PCDHA4: variants seen among roughly 807,000 people sequenced by gnomAD.
PCDHA4 encodes protocadherin alpha 4.
PCDHA4 carries 49 observed loss-of-function variants against 61.4 expected under a neutral mutation model. The observed-to-expected ratio is 0.80, with a 90% confidence interval of 0.63 to 1.01. The LOEUF (loss-of-function observed/expected upper bound fraction) is 1.01. PCDHA4 is among the 50% of genes least tolerant of loss of function. The pLI is 0.00. For missense variants in PCDHA4, 1,254 were observed against 1,235.8 expected, an observed-to-expected ratio of 1.01 and a Z score of -0.22; for synonymous variants, 590 against 550.3, an observed-to-expected ratio of 1.07 and a Z score of -1.01.
At chr5:140,875,465 T>C (rs1466604223) in intron 1 of PCDHA4, 9 of 1,599,572 alleles carry the variant, frequency 5.6e-6, no homozygotes, top group African/African-American at 1.3e-5. Context: ...AGGCCCTCAT[T>C]TTCTGCAATG....
chr5:140,988,936 T>C (rs2097321406), intron 3 of PCDHA4: 1 of 152,158 alleles, frequency 6.6e-6, no homozygotes, highest in Non-Finnish European at 1.5e-5. Flanking sequence ...ACTGTTCTCT[T>C]AGGCTGCAGT....
chr5:140,930,423 A>G (rs1366004853), intron 1 of PCDHA4: 3 of 151,862 alleles, frequency 2.0e-5, no homozygotes, highest in African/African-American at 7.3e-5. Flanking sequence ...GGGTCTCACT[A>G]TGTTGCCCAG....
intron 1 of PCDHA4, among the ~76,000 whole-genome samples, chr5:140,940,102 T>C (rs1372400488): frequency 2.0e-5 from 3 of 152,228 alleles, no homozygotes; most frequent in African/African-American, 7.2e-5. Context: ...ACTTTTAGCG[T>C]TATGTATTAT....
rs2150367479 is a variant in PCDHA4, at chr5:140,843,905, G to A, written c.2385+34333G>A. 8 of 645,878 alleles carry A rather than the reference G, an allele frequency of 1.2e-5. 1 individual carries two copies. Among genetic ancestry groups the A allele is most frequent in the African/African-American group, 1.8e-5 (1 of 54,098 alleles). 40.0% of individuals were successfully genotyped at this position (645,878 alleles called of 1,614,324 possible). ...ATACAGTATTAATCATTCTCCACAA[G>A]TTGGGTCTATCTTGAAACTCAAGTT... On this transcript the variant is annotated intron_variant, in intron 1 of 3. Coordinates refer to ENST00000530339, the MANE Select transcript of PCDHA4 (RefSeq NM_018907.4).
At chr5:140,836,199 T>C in intron 1 of PCDHA4, 1 of 1,613,834 alleles carries the variant, frequency 6.2e-7, no homozygotes, top group Admixed American at 1.7e-5. Flanking sequence ...CTACAACGCG[T>C]GGCTTTCGTA....
intron 1 of PCDHA4, chr5:140,821,528 A>C: frequency 4.6e-6 from 2 of 434,586 alleles, no homozygotes; most frequent in Non-Finnish European, 8.0e-6. Flanking sequence ...AAAACAAAAT[A>C]AAACACTTAC....
At chr5:140,883,759 G>A (rs1554179777) in intron 1 of PCDHA4, 1 of 1,612,704 alleles carries the variant, frequency 6.2e-7, no homozygotes, top group African/African-American at 1.3e-5. Context: ...TGGTGGAGCG[G>A]CGGGTGGGCG....
chr5:140,836,306 C>T (rs2150257273), intron 1 of PCDHA4: 4 of 1,613,706 alleles, frequency 2.5e-6, no homozygotes, highest in Non-Finnish European at 3.4e-6. Flanking sequence ...ATGAGACGGA[C>T]GCACCGCGCC....
At chr5:140,941,191 T>TCTTTC (rs1554213808) in intron 1 of PCDHA4, among the ~76,000 whole-genome samples, 2 of 93,206 alleles carry the variant, frequency 2.1e-5, no homozygotes, top group South Asian at 5.6e-4. Flanking sequence ...GCTTCTTTTT[T>TCTTTC]TTTCTTTCTT....
At chr5:140,947,010 A>C (rs924112965) in intron 1 of PCDHA4, among the ~76,000 whole-genome samples, 7 of 151,752 alleles carry the variant, frequency 4.6e-5, no homozygotes, top group African/African-American at 1.4e-4. Flanking sequence ...AGAAATGATA[A>C]ATGTTTGAGG....
chr5:140,909,210 G>A (rs2074375008), intron 1 of PCDHA4, among the ~76,000 whole-genome samples: 1 of 152,186 alleles, frequency 6.6e-6, no homozygotes, highest in Non-Finnish European at 1.5e-5. Context: ...CCGGAGAGTT[G>A]ATATACCCCT....
At chr5:140,863,396 G>C (rs782335492) in intron 1 of PCDHA4, 1 of 872,572 alleles carries the variant, frequency 1.1e-6, no homozygotes, top group Non-Finnish European at 1.8e-6. Context: ...TGCATGCCGG[G>C]CAAGCCCACG....
chr5:140,875,834 T>C (rs1562703586), intron 1 of PCDHA4: 2 of 1,613,958 alleles, frequency 1.2e-6, no homozygotes, highest in Non-Finnish European at 1.7e-6. Context: ...CATGTGGACG[T>C]GGAGGTGAAG....
chr5:140,884,192 G>A, intron 1 of PCDHA4: 1 of 1,613,428 alleles, frequency 6.2e-7, no homozygotes, highest in Non-Finnish European at 8.5e-7. Context: ...CGAGGTGGAC[G>A]CGCCGCACCA....
chr5:141,010,265 G>A lies in PCDHA4; in HGVS notation c.*328G>A, dbSNP rs1554262846. ...GTTGGACTCTCTGCCCTGTGCTCCGGGGATCCTGTCTTGATGACACTTGCA... is the reference window on the plus strand; with the variant it reads ...GTTGGACTCTCTGCCCTGTGCTCCGAGGATCCTGTCTTGATGACACTTGCA... On this transcript the variant is annotated 3_prime_UTR_variant, in exon 4 of 4. Coordinates refer to ENST00000530339, the MANE Select transcript of PCDHA4 (RefSeq NM_018907.4). 6.4e-7 allele frequency: 1 copy of A among 1,551,726 alleles called. No homozygotes were observed. The highest frequency in any genetic ancestry group is 8.7e-7 in the Non-Finnish European group (1 of 1,147,006).
intron 3 of PCDHA4, 34 bp from the exon 4 acceptor site, chr5:141,009,593 C>G: frequency 6.2e-7 from 1 of 1,602,020 alleles, no homozygotes; most frequent in South Asian, 1.1e-5. Flanking sequence ...CATGTGTTGA[C>G]CCTGTTAATG....
intron 1 of PCDHA4, among the ~76,000 whole-genome samples, chr5:140,889,657 C>T (rs1411654885): frequency 2.0e-5 from 3 of 152,128 alleles, no homozygotes; most frequent in African/African-American, 7.2e-5. Context: ...GAGATGTCCT[C>T]TTCCCAGCCT....
At chr5:140,869,344 A>G (rs540952410) in intron 1 of PCDHA4, 1 of 1,613,990 alleles carries the variant, frequency 6.2e-7, no homozygotes, top group African/African-American at 1.3e-5. Flanking sequence ...AAATCTGCAG[A>G]ATGGCATTTT....
intron 1 of PCDHA4, chr5:140,856,983 G>A: frequency 6.3e-7 from 1 of 1,595,186 alleles, no homozygotes; most frequent in Non-Finnish European, 8.6e-7. Flanking sequence ...TTTGAGGACA[G>A]TAACACTTAT....
Sources: allele counts gnomAD v4.1 joint callset (sites outside exome capture counted in the v4.1 genomes callset), GRCh38; gene constraint gnomAD v4.1.1; transcripts MANE v1.5; gene names NCBI Gene and HGNC (gene_info 2026-07-23, HGNC 2026-07-21).